Variants in PLA2G7 observed in about 807,000 individuals in gnomAD.
PLA2G7 encodes phospholipase A2 group VII.
A neutral mutation model predicts 49.6 loss-of-function variants in PLA2G7; 63 were observed. The observed-to-expected ratio is 1.27, with a 90% CI of 1.04 to 1.57. The LOEUF (loss-of-function observed/expected upper bound fraction) is 1.57. PLA2G7 is among the 40% of genes most tolerant of loss of function. The probability of loss-of-function intolerance (pLI) is 0.00; values close to 1 mark genes in which losing one functional copy is unlikely to be tolerated. For synonymous variants in PLA2G7, 193 were observed against 169.9 expected (o/e 1.14, Z -1.06); for missense variants, 596 against 521.2 (o/e 1.14, Z -1.40).
intron 1 of PLA2G7, among the ~76,000 whole-genome samples, chr6:46,734,491 A>ATTGTCC (rs1765850538): frequency 1.1e-5 from 1 of 88,622 alleles, no homozygotes; most frequent in Non-Finnish European, 2.5e-5. Context: ...AGAGAGAGAG[A>ATTGTCC]CGGAGAGAGA....
chr6:46,704,828 A>G, intron 11 of PLA2G7, 132 bp from the exon 12 acceptor site: 1 of 663,442 alleles, frequency 1.5e-6, no homozygotes, highest in Non-Finnish European at 2.6e-6. Context: ...TGTGCTCTGT[A>G]TCAGCTGCCT....
intron 1 of PLA2G7, among the ~76,000 whole-genome samples, chr6:46,728,498 A>G (rs558844062): frequency 1.3e-5 from 2 of 152,354 alleles, no homozygotes; most frequent in South Asian, 2.1e-4. Flanking sequence ...TATTTATTTC[A>G]TTCTAGGGAG....
At chr6:46,734,219 G>C (rs1010451058) in intron 1 of PLA2G7, among the ~76,000 whole-genome samples, 4 of 152,032 alleles carry the variant, frequency 2.6e-5, no homozygotes, top group African/African-American at 7.2e-5. Context: ...GGCCGGCAGG[G>C]GGATGCTCCA....
chr6:46,712,960 A>G (rs1366211881), intron 5 of PLA2G7, among the ~76,000 whole-genome samples: 6 of 152,238 alleles, frequency 3.9e-5, no homozygotes, highest in Admixed American at 3.3e-4. Flanking sequence ...AATAAGTCAC[A>G]ATATTTTTGC....
At chr6:46,709,456 C>T (rs763793350) in intron 8 of PLA2G7, 38 bp from the exon 9 acceptor site, 32 of 1,117,736 alleles carry the variant, frequency 2.9e-5, no homozygotes, top group East Asian at 2.6e-4. Flanking sequence ...ATAGCTATTT[C>T]GTGGTGTTAG....
Position 46,717,160 on chromosome 6 carries a change from A to G in PLA2G7, c.110-64T>C, listed in dbSNP as rs140318148. 6.2e-4 allele frequency: 895 copies of G among 1,446,036 alleles called. 2 individuals are homozygous for G. The African/African-American group carries it at 8.1e-3, about 13-fold the overall frequency. The allele number at this position is 1,446,036 out of a possible 1,614,324, so 89.6% of individuals were successfully genotyped here. The stretch of plus-strand genomic sequence containing the variant: ...TACATATCAGATTTTATTATGCAAA[A>G]GAATTCCAACGGAATCAAGTTACTT... On this transcript the variant is annotated intron_variant, in intron 2 of 11. Transcript: ENST00000274793.
intron 2 of PLA2G7, among the ~76,000 whole-genome samples, chr6:46,718,531 AC>A (rs1315606036): frequency 1.3e-5 from 2 of 151,804 alleles, no homozygotes; most frequent in African/African-American, 4.8e-5. Flanking sequence ...CTTAAGTTAT[AC>A]CCCTTCCTTG....
chr6:46,712,145 T>G, intron 6 of PLA2G7, 124 bp downstream of exon 6: 2 of 704,318 alleles, frequency 2.8e-6, no homozygotes, highest in Non-Finnish European at 5.1e-6. Context: ...TTGCTCATGA[T>G]GTTACCATAC....
chr6:46,715,312 C>T (rs1765167965), intron 4 of PLA2G7, among the ~76,000 whole-genome samples: 1 of 152,222 alleles, frequency 6.6e-6, no homozygotes, highest in Admixed American at 6.5e-5. Context: ...AAACCACTGA[C>T]TTCATACTGA....
intron 1 of PLA2G7, among the ~76,000 whole-genome samples, chr6:46,730,507 A>C (rs1305958207): frequency 6.6e-6 from 1 of 152,216 alleles, no homozygotes; most frequent in African/African-American, 2.4e-5. Flanking sequence ...CCAGACAGGT[A>C]ATTTAAATGA....
At chr6:46,733,320 T>A (rs1765791329) in intron 1 of PLA2G7, among the ~76,000 whole-genome samples, 1 of 152,164 alleles carries the variant, frequency 6.6e-6, no homozygotes. Flanking sequence ...CCAGGTTCTG[T>A]CTGAGGGAAA....
intron 11 of PLA2G7, 72 bp downstream of exon 11, chr6:46,705,081 A>C: frequency 9.3e-7 from 1 of 1,075,598 alleles, no homozygotes; most frequent in Non-Finnish European, 1.4e-6. Context: ...AATAGTACTA[A>C]AGCTGTATTA....
At chr6:46,710,710 T>C in intron 7 of PLA2G7, 52 bp from the exon 8 acceptor site, 2 of 1,381,402 alleles carry the variant, frequency 1.4e-6, no homozygotes, top group African/African-American at 1.4e-5. Context: ...TTATAACACT[T>C]ATTTTAAAGT....
At chr6:46,704,873 A>G (rs1764754708) in intron 11 of PLA2G7, among the ~76,000 whole-genome samples, 177 bp from the exon 12 acceptor site, 1 of 152,208 alleles carries the variant, frequency 6.6e-6, no homozygotes, top group Admixed American at 6.5e-5. Flanking sequence ...CAAACGGGAT[A>G]GGAGTGAGGC....
intron 2 of PLA2G7, among the ~76,000 whole-genome samples, chr6:46,718,623 C>T (rs1765292487): frequency 6.6e-6 from 1 of 152,198 alleles, no homozygotes; most frequent in Non-Finnish European, 1.5e-5. Flanking sequence ...TGCTTAAATC[C>T]CCTTAGCAAA....
At chr6:46,723,062 T>C in intron 1 of PLA2G7, 137 bp from the exon 2 acceptor site, 1 of 625,062 alleles carries the variant, frequency 1.6e-6, no homozygotes, top group Admixed American at 2.3e-5. Flanking sequence ...GGGTTTTAGA[T>C]TGGTACTACA....
chr6:46,720,670 G>C (rs1765367149), intron 2 of PLA2G7, among the ~76,000 whole-genome samples: 1 of 152,180 alleles, frequency 6.6e-6, no homozygotes, highest in Non-Finnish European at 1.5e-5. Flanking sequence ...CACTCACACA[G>C]TTTTGTGGTT....
At position 46,717,145 on chromosome 6, in the gene PLA2G7, A is replaced by T. The variant is rs531229329; in HGVS notation, c.110-49T>A. The T allele has an allele frequency of 1.9e-6, 3 of 1,539,618 alleles. No individual in the cohort carries two copies. The African/African-American group carries it at 4.1e-5, about 21-fold the overall frequency. ...TCATTTGTCATCCATTACATATCAG[A>T]TTTTATTATGCAAAAGAATTCCAAC... On this transcript the variant is annotated intron_variant, in intron 2 of 11. Coordinates refer to ENST00000274793, the MANE Select transcript of PLA2G7 (RefSeq NM_005084.4).
Position 46,704,442 on chromosome 6 carries a change from TC to T in PLA2G7, c.*117del. On this transcript the variant is annotated 3_prime_UTR_variant, in exon 12 of 12. Transcript: ENST00000274793. The stretch of plus-strand genomic sequence containing the variant: ...GTCCTTTGGGAAAATACATTAAAAT[TC>T]TCTCTCTCTCTCTCTCTCTCTCTCT... 1 of 520,718 alleles carries T rather than the reference TC, an allele frequency of 1.9e-6. No individual in the cohort carries two copies. The highest frequency in any genetic ancestry group is 1.8e-5 in the South Asian group (1 of 54,858). 32.3% of individuals were successfully genotyped at this position (520,718 alleles called of 1,614,324 possible).
Sources: gnomAD v4.1 joint callset for allele counts (sites outside exome capture counted in the v4.1 genomes callset) on GRCh38, gnomAD v4.1.1 for gene constraint, MANE v1.5 for transcripts, NCBI Gene and HGNC (gene_info 2026-07-23, HGNC 2026-07-21) for gene names.